The following IL1RAPL2 variants were observed in gnomAD, a reference collection of about 807,000 sequenced individuals.
The protein encoded by IL1RAPL2 is interleukin 1 receptor accessory protein like 2.
A neutral mutation model predicts 44.1 loss-of-function variants in IL1RAPL2; 3 were observed. The ratio of observed to expected loss-of-function variants is 0.07; its 90% CI spans 0.03 to 0.18. IL1RAPL2 has a LOEUF of 0.18. IL1RAPL2 is among the 10% of genes least tolerant of loss of function. The pLI, the probability that IL1RAPL2 is intolerant of heterozygous loss-of-function variation, is 1.00. For synonymous variants in IL1RAPL2, 181 were observed against 178.8 expected (o/e 1.01, Z -0.10); for missense variants, 391 against 496.4 (o/e 0.79, Z 2.02).
intron 5 of IL1RAPL2, among the ~76,000 whole-genome samples, chrX:105,375,792 C>G (rs981592516): frequency 8.9e-6 from 1 of 111,777 alleles, no homozygotes; most frequent in Non-Finnish European, 1.9e-5. Flanking sequence ...CTTTATAACC[C>G]AGAACTTGAT....
intron 5 of IL1RAPL2, among the ~76,000 whole-genome samples, chrX:105,292,033 A>G (rs761138585): frequency 9.0e-6 from 1 of 111,333 alleles, no homozygotes; most frequent in Admixed American, 9.6e-5. Flanking sequence ...GATAGGGGAC[A>G]GTCCTGGAAT....
chrX:105,347,589 TCATCATCATCATCAGCCAA>T (rs1295206147), intron 5 of IL1RAPL2, among the ~76,000 whole-genome samples: 1 of 109,429 alleles, frequency 9.1e-6, no homozygotes, highest in African/African-American at 3.3e-5. Context: ...ATCATCATCA[TCATCATCATCATCAGCCAA>T]CATCACCTAT....
intron 6 of IL1RAPL2, among the ~76,000 whole-genome samples, chrX:105,552,679 G>A (rs897110010): frequency 1.8e-5 from 2 of 111,776 alleles, no homozygotes; most frequent in Non-Finnish European, 3.8e-5. Flanking sequence ...TATGCTGAAG[G>A]TGGCACAGCC....
intron 2 of IL1RAPL2, among the ~76,000 whole-genome samples, chrX:105,014,481 C>A (rs2031130747): frequency 9.0e-6 from 1 of 110,620 alleles, no homozygotes; most frequent in South Asian, 3.9e-4. Context: ...AACCCCCCGA[C>A]AGGCCCTGGT....
chrX:104,985,218 G>T (rs1266974418), intron 2 of IL1RAPL2, among the ~76,000 whole-genome samples: 4 of 110,007 alleles, frequency 3.6e-5, no homozygotes, highest in Non-Finnish European at 7.6e-5. Flanking sequence ...CTCCCAAGTA[G>T]CTGGGATTAC....
intron 2 of IL1RAPL2, among the ~76,000 whole-genome samples, chrX:105,092,883 A>C (rs1168831433): frequency 9.0e-6 from 1 of 110,870 alleles, no homozygotes; most frequent in Admixed American, 9.7e-5. Context: ...AAAACAATGC[A>C]GTTTTAATGT....
chrX:105,442,837 A>T (rs1484455085), intron 5 of IL1RAPL2, among the ~76,000 whole-genome samples: 2 of 111,941 alleles, frequency 1.8e-5, no homozygotes, highest in Non-Finnish European at 3.8e-5. Context: ...GCACTTTGGG[A>T]GGCTGAGGCC....
chrX:104,986,593 T>G (rs140407616), intron 2 of IL1RAPL2, among the ~76,000 whole-genome samples: 1 of 112,155 alleles, frequency 8.9e-6, no homozygotes, highest in Non-Finnish European at 1.9e-5. Context: ...TTGGCTGAAT[T>G]ATCTGAGTGA....
chrX:104,724,884 G>A (rs988870161), intron 2 of IL1RAPL2, among the ~76,000 whole-genome samples: 2 of 111,090 alleles, frequency 1.8e-5, no homozygotes, highest in Non-Finnish European at 3.8e-5. Flanking sequence ...ATTGATCTAT[G>A]TGTCTATTTT....
intron 2 of IL1RAPL2, among the ~76,000 whole-genome samples, chrX:105,013,669 T>C (rs139851798): frequency 9.0e-6 from 1 of 110,814 alleles, no homozygotes; most frequent in African/African-American, 3.3e-5. Flanking sequence ...GAAGAAATCA[T>C]CTAATTTTTA....
intron 2 of IL1RAPL2, among the ~76,000 whole-genome samples, chrX:104,914,580 T>C (rs1021992475): frequency 1.3e-4 from 14 of 111,683 alleles, no homozygotes; most frequent in African/African-American, 3.9e-4. Flanking sequence ...TTTATTATTA[T>C]TATATTTTAA....
chrX:104,783,212 T>A (rs954862894), intron 2 of IL1RAPL2, among the ~76,000 whole-genome samples: 1 of 111,970 alleles, frequency 8.9e-6, no homozygotes, highest in African/African-American at 3.2e-5. Flanking sequence ...GTACTTTATG[T>A]AATCTGATAG....
rs2032191609 is a variant in IL1RAPL2, at chrX:105,070,443, C to T, written c.83-125032C>T. Among the ~76,000 whole-genome samples the T allele has an allele frequency of 2.7e-5, 3 of 111,118 alleles. No homozygotes were observed. The Admixed American group carries it at 2.9e-4, about 11-fold the overall frequency. ...AGAGTATGTTCACCTTTTATAATAC[C>T]AGCACTTTGGGAGGCTGAGGCAGGT... On this transcript the variant is annotated intron_variant, in intron 2 of 10. Transcript: ENST00000372582.
At chrX:105,116,194 C>T (rs1460448592) in intron 2 of IL1RAPL2, among the ~76,000 whole-genome samples, 2 of 112,711 alleles carry the variant, frequency 1.8e-5, no homozygotes. Flanking sequence ...TCAAGCGCGG[C>T]CAGAGTGGGC....
chrX:105,356,184 G>GTGTGGTTT lies in IL1RAPL2; in HGVS notation c.697+88643_697+88644insTGTGGTTT, dbSNP rs1556297376. 4.2e-3 allele frequency among the ~76,000 whole-genome samples: 453 copies of GTGTGGTTT among 108,207 alleles called. 2 individuals are homozygous for GTGTGGTTT. The highest frequency in any genetic ancestry group is 0.015 in the African/African-American group (428 of 28,582). 94.0% of individuals were successfully genotyped at this position (108,207 alleles called of 115,157 possible). A position where few individuals can be genotyped will look rare whatever the true frequency, so the allele number is the denominator to read the frequency against. On this transcript the variant is annotated intron_variant, in intron 5 of 10. Coordinates refer to ENST00000372582, the MANE Select transcript of IL1RAPL2 (RefSeq NM_017416.2). ...TGTATGTGTGTGTGTGTGTGTGTGT[G>GTGTGGTTT]GTTTGTTTCTTGGGGGCTGAACTCA...
intron 1 of IL1RAPL2, among the ~76,000 whole-genome samples, chrX:104,655,680 G>C (rs1238464803): frequency 2.7e-5 from 3 of 111,618 alleles, no homozygotes; most frequent in Non-Finnish European, 5.7e-5. Context: ...GATGATGCTG[G>C]CCTCATAAAA....
intron 2 of IL1RAPL2, among the ~76,000 whole-genome samples, chrX:104,950,138 C>G (rs748978960): frequency 8.9e-6 from 1 of 111,806 alleles, no homozygotes; most frequent in East Asian, 2.8e-4. Flanking sequence ...GGATAGTTAG[C>G]TCTTCTTGTT....
chrX:105,492,789 C>T (rs2036330397), intron 6 of IL1RAPL2, among the ~76,000 whole-genome samples: 2 of 110,224 alleles, frequency 1.8e-5, no homozygotes, highest in Non-Finnish European at 3.8e-5. Flanking sequence ...AGTCATATAC[C>T]GTACAATTGG....
At position 104,599,811 on chromosome X, in the gene IL1RAPL2, G is replaced by A. The variant is rs753089038; in HGVS notation, c.-20+32760G>A. On this transcript the variant is annotated intron_variant, in intron 1 of 10. Transcript: ENST00000372582. ...AGTTCTATGACTCATAACAAGTTGT[G>A]CTGACGAGGGAGTCTTTAAGTTGTC... is the stretch of plus-strand genomic sequence containing the variant. Among the ~76,000 whole-genome samples the A allele has an allele frequency of 2.7e-5, 3 of 111,216 alleles. No individual in the cohort carries two copies. In the East Asian group the frequency reaches 8.5e-4, roughly 31 times the overall value.
Sources: gnomAD v4.1 joint callset for allele counts (sites outside exome capture counted in the v4.1 genomes callset) on GRCh38, gnomAD v4.1.1 for gene constraint, MANE v1.5 for transcripts, NCBI Gene and HGNC (gene_info 2026-07-23, HGNC 2026-07-21) for gene names.